The following LYPD6B variants were observed in gnomAD, a reference collection of about 807,000 sequenced individuals.
LYPD6B encodes the protein LY6/PLAUR domain containing 6B.
LYPD6B carries 17 observed loss-of-function variants against 22.8 expected under a neutral mutation model. The observed-to-expected ratio is 0.75, with a 90% confidence interval of 0.51 to 1.12. LYPD6B has a LOEUF of 1.12. Among genes scored for constraint, LYPD6B ranks in the 50% most tolerant of loss-of-function variants. The pLI, the probability that LYPD6B is intolerant of heterozygous loss-of-function variation, is 0.00. For missense variants in LYPD6B, 221 were observed against 258.3 expected (o/e 0.86, Z 0.99); for synonymous variants, 106 against 91.6 (o/e 1.16, Z -0.90).
chr2:149,109,018 T>G (rs982588159), intron 1 of LYPD6B, among the ~76,000 whole-genome samples: 4 of 152,162 alleles, frequency 2.6e-5, no homozygotes, highest in Non-Finnish European at 4.4e-5. Context: ...CTTGTACATA[T>G]GTAAGGGTCC....
At chr2:149,192,823 A>G (rs1276005384) in intron 3 of LYPD6B, among the ~76,000 whole-genome samples, 1 of 152,190 alleles carries the variant, frequency 6.6e-6, no homozygotes, top group Admixed American at 6.5e-5. Context: ...GATCTGCCTC[A>G]GAGCCAGGGG....
At chr2:149,196,096 A>G (rs1692792457) in intron 3 of LYPD6B, among the ~76,000 whole-genome samples, 1 of 152,200 alleles carries the variant, frequency 6.6e-6, no homozygotes, top group Non-Finnish European at 1.5e-5. Context: ...TAACATACAT[A>G]ATTTTTCAGT....
intron 1 of LYPD6B, among the ~76,000 whole-genome samples, chr2:149,044,157 A>G (rs192954446): frequency 4.5e-4 from 68 of 152,202 alleles, no homozygotes; most frequent in Admixed American, 6.5e-5. Context: ...GTCAATATCT[A>G]CAAAAAAATC....
intron 1 of LYPD6B, among the ~76,000 whole-genome samples, chr2:149,115,852 C>G (rs1018513547): frequency 8.5e-5 from 13 of 152,202 alleles, no homozygotes; most frequent in Admixed American, 5.2e-4. Flanking sequence ...CAGAAATAAA[C>G]AATTTATAAA....
chr2:149,137,375 AG>A, intron 2 of LYPD6B, among the ~76,000 whole-genome samples: 1 of 152,168 alleles, frequency 6.6e-6, no homozygotes, highest in Non-Finnish European at 1.5e-5. Context: ...GAGATTGCAA[AG>A]GGTTCATTTA....
chr2:149,195,863 T>C (rs1193549563), intron 3 of LYPD6B, among the ~76,000 whole-genome samples: 2 of 152,198 alleles, frequency 1.3e-5, no homozygotes, highest in African/African-American at 4.8e-5. Context: ...TTGATATCTC[T>C]ATTTTACTGA....
chr2:149,160,019 T>TACA (rs148905307), intron 2 of LYPD6B, among the ~76,000 whole-genome samples: 3,610 of 152,102 alleles, frequency 0.024, 144 homozygotes, highest in African/African-American at 0.083. Flanking sequence ...TCAGGTGTGG[T>TACA]GGTACATGCC....
At chr2:149,177,713 C>T (rs1379976579) in intron 3 of LYPD6B, among the ~76,000 whole-genome samples, 1 of 152,120 alleles carries the variant, frequency 6.6e-6, no homozygotes, top group African/African-American at 2.4e-5. Context: ...GCAACTTTAG[C>T]AGGCGATGTG....
At chr2:149,043,115 C>T (rs903216749) in intron 1 of LYPD6B, among the ~76,000 whole-genome samples, 4 of 151,978 alleles carry the variant, frequency 2.6e-5, no homozygotes, top group African/African-American at 9.7e-5. Flanking sequence ...GGAAGAAATA[C>T]GGTGGTTACA....
intron 1 of LYPD6B, among the ~76,000 whole-genome samples, chr2:149,075,803 C>G (rs1471001591): frequency 1.3e-5 from 2 of 152,154 alleles, no homozygotes; most frequent in African/African-American, 4.8e-5. Flanking sequence ...GTCATATATT[C>G]TGAAAAGTAG....
chr2:149,194,706 C>A (rs1692699391), intron 3 of LYPD6B, among the ~76,000 whole-genome samples: 1 of 152,180 alleles, frequency 6.6e-6, no homozygotes, highest in Non-Finnish European at 1.5e-5. Context: ...CCAGCACCTG[C>A]TATTGGCCAA....
intron 1 of LYPD6B, among the ~76,000 whole-genome samples, chr2:149,106,419 G>A (rs1686475581): frequency 6.6e-6 from 1 of 152,044 alleles, no homozygotes; most frequent in South Asian, 2.1e-4. Flanking sequence ...TTTTCTTCAT[G>A]GGAAGATTTT....
intron 1 of LYPD6B, among the ~76,000 whole-genome samples, chr2:149,103,015 A>G (rs1176746972): frequency 6.6e-6 from 1 of 152,164 alleles, no homozygotes; most frequent in East Asian, 1.9e-4. Context: ...CAGTCTTCCC[A>G]CACATGAATA....
At chr2:149,046,405 A>G (rs1311435890) in intron 1 of LYPD6B, among the ~76,000 whole-genome samples, 5 of 152,080 alleles carry the variant, frequency 3.3e-5, no homozygotes, top group East Asian at 1.9e-4. Flanking sequence ...TACACTTGCT[A>G]TGCTATTGAT....
At chr2:149,102,664 C>A (rs1686270274) in intron 1 of LYPD6B, among the ~76,000 whole-genome samples, 1 of 152,138 alleles carries the variant, frequency 6.6e-6, no homozygotes, top group Non-Finnish European at 1.5e-5. Flanking sequence ...GAGTCTCTTT[C>A]TGTCACCCAG....
Position 149,214,865 on chromosome 2 carries a change from G to C in LYPD6B, c.*155G>C. 1.3e-6 allele frequency: 1 copy of C among 789,312 alleles called. No individual in the cohort carries two copies. Among genetic ancestry groups the C allele is most frequent in the Non-Finnish European group, 2.1e-6 (1 of 477,962 alleles). 48.9% of individuals were successfully genotyped at this position (789,312 alleles called of 1,614,324 possible). A position where few individuals can be genotyped will look rare whatever the true frequency, so the allele number is the denominator to read the frequency against. ...AGCCAGTGGTTTGCTTGGATAAAAT[G>C]TTCCCGCATGAGGCCACAGGACTGA... On this transcript the variant is annotated 3_prime_UTR_variant, in exon 7 of 7. Coordinates refer to ENST00000409642, the MANE Select transcript of LYPD6B (RefSeq NM_177964.5).
chr2:149,159,794 T>C (rs1220265687), intron 2 of LYPD6B, among the ~76,000 whole-genome samples: 1 of 152,112 alleles, frequency 6.6e-6, no homozygotes, highest in Non-Finnish European at 1.5e-5. Flanking sequence ...AGGCAAAATT[T>C]CTTCTTGGGG....
chr2:149,065,333 T>C (rs1684272010), intron 1 of LYPD6B, among the ~76,000 whole-genome samples: 1 of 152,240 alleles, frequency 6.6e-6, no homozygotes, highest in South Asian at 2.1e-4. Context: ...TCCCATCAGA[T>C]GCTGTAACAA....
At position 149,178,409 on chromosome 2, in the gene LYPD6B, G is replaced by C. The variant is rs929282723; in HGVS notation, c.77+17574G>C. Among the ~76,000 whole-genome samples, 3 of 152,188 alleles carry C rather than the reference G, an allele frequency of 2.0e-5. No individual in the cohort carries two copies. In the South Asian group the frequency reaches 6.2e-4, roughly 32 times the overall value. On this transcript the variant is annotated intron_variant, in intron 3 of 6. Transcript: ENST00000409642. ...TCCGTGCAAAATTAACTAAAAGTCA[G>C]TTTCCTATCACTTTACTCCCCCCAC...
Sources: gnomAD v4.1 joint callset for allele counts (sites outside exome capture counted in the v4.1 genomes callset) on GRCh38, gnomAD v4.1.1 for gene constraint, MANE v1.5 for transcripts, NCBI Gene and HGNC (gene_info 2026-07-23, HGNC 2026-07-21) for gene names.